Variants in PDE8A observed in about 807,000 individuals in gnomAD.
PDE8A encodes high affinity cAMP-specific and IBMX-insensitive 3',5'-cyclic phosphodiesterase 8A.
A neutral mutation model predicts 105.0 loss-of-function variants in PDE8A; 59 were observed. That is an observed-to-expected ratio of 0.56 (90% CI 0.46 to 0.70). PDE8A has a LOEUF of 0.70. PDE8A is among the 30% of genes least tolerant of loss of function. PDE8A has a pLI of 0.00. For missense variants in PDE8A, 1,014 were observed against 1,045.9 expected (o/e 0.97, Z 0.42); for synonymous variants, 355 against 371.9 (o/e 0.95, Z 0.52).
chr15:85,107,409 C>T (rs956833376), intron 11 of PDE8A, among the ~76,000 whole-genome samples: 11 of 152,256 alleles, frequency 7.2e-5, no homozygotes, highest in Admixed American at 2.6e-4. Context: ...TGTTTTACAA[C>T]GATCGCTTGG....
chr15:84,999,471 C>T (rs1382614657), intron 1 of PDE8A, among the ~76,000 whole-genome samples: 3 of 152,190 alleles, frequency 2.0e-5, no homozygotes, highest in African/African-American at 7.2e-5. Context: ...TTCAGCAAAC[C>T]TTTGGTGCTT....
intron 8 of PDE8A, among the ~76,000 whole-genome samples, chr15:85,096,640 T>C (rs1421909152): frequency 6.6e-6 from 1 of 152,118 alleles, no homozygotes; most frequent in Non-Finnish European, 1.5e-5. Context: ...AACCCACTTA[T>C]TTCTGCCTAG....
intron 1 of PDE8A, among the ~76,000 whole-genome samples, chr15:84,999,121 CTTTT>C (rs35710429): frequency 7.6e-6 from 1 of 131,498 alleles, no homozygotes; most frequent in Non-Finnish European, 1.6e-5. Context: ...AGGTCACATT[CTTTT>C]TTTTTTTTTT....
chr15:85,015,066 T>A (rs543890803), intron 1 of PDE8A, among the ~76,000 whole-genome samples: 1 of 152,210 alleles, frequency 6.6e-6, no homozygotes, highest in Non-Finnish European at 1.5e-5. Flanking sequence ...GTTAGCATAA[T>A]GTTTTCAAGG....
At chr15:85,128,341 G>GA (rs923777028) in intron 20 of PDE8A, among the ~76,000 whole-genome samples, 12 of 151,724 alleles carry the variant, frequency 7.9e-5, no homozygotes, top group African/African-American at 2.9e-4. Context: ...CGCATCACTA[G>GA]AAAAAAAAAT....
chr15:84,989,985 A>AT (rs2079861121), intron 1 of PDE8A, among the ~76,000 whole-genome samples: 1 of 152,148 alleles, frequency 6.6e-6, no homozygotes, highest in Non-Finnish European at 1.5e-5. Context: ...TTTTGGATTC[A>AT]TTTCAAAGTA....
chr15:85,033,158 G>A (rs2080643815), intron 1 of PDE8A, among the ~76,000 whole-genome samples: 1 of 152,170 alleles, frequency 6.6e-6, no homozygotes, highest in African/African-American at 2.4e-5. Context: ...GTAGACTGAA[G>A]GCACTTGGGA....
intron 5 of PDE8A, 119 bp downstream of exon 5, chr15:85,076,906 C>G: frequency 1.4e-6 from 1 of 696,440 alleles, no homozygotes; most frequent in African/African-American, 1.8e-5. Context: ...TCTGGCCAGG[C>G]GTGGTGGCTC....
chr15:85,063,447 C>G (rs1241004384), intron 1 of PDE8A: 1 of 152,224 alleles, frequency 6.6e-6, no homozygotes, highest in Non-Finnish European at 1.5e-5. Context: ...GGGTAGCAGC[C>G]CAGTGCCAGA....
At chr15:85,126,125 C>T (rs1382707638) in intron 19 of PDE8A, 82 bp from the exon 20 acceptor site, 4 of 938,768 alleles carry the variant, frequency 4.3e-6, no homozygotes, top group Admixed American at 4.8e-5. Context: ...TCTTTTTATG[C>T]TTACAGTGGG....
intron 8 of PDE8A, among the ~76,000 whole-genome samples, chr15:85,094,997 T>C (rs1256212364): frequency 6.6e-6 from 1 of 152,176 alleles, no homozygotes; most frequent in Non-Finnish European, 1.5e-5. Context: ...GCCCCAAGTG[T>C]TCTTTGACAG....
At chr15:85,025,780 A>G (rs1434875044) in intron 1 of PDE8A, among the ~76,000 whole-genome samples, 13 of 152,200 alleles carry the variant, frequency 8.5e-5, no homozygotes, top group Admixed American at 6.5e-4. Flanking sequence ...GCTTTGGCAC[A>G]AGGACATCAG....
intron 21 of PDE8A, 25 bp downstream of exon 21, chr15:85,136,688 A>G (rs764680873): frequency 3.7e-6 from 6 of 1,605,896 alleles, no homozygotes; most frequent in Non-Finnish European, 5.1e-6. Context: ...TTAAAATAGC[A>G]TATTTTCCTC....
intron 2 of PDE8A, among the ~76,000 whole-genome samples, chr15:85,066,138 T>C (rs2081221424): frequency 6.6e-6 from 1 of 152,246 alleles, no homozygotes; most frequent in Non-Finnish European, 1.5e-5. Flanking sequence ...GCATTCACCA[T>C]CTGAGAACTT....
chr15:84,995,560 GTCC>G (rs1389912217), intron 1 of PDE8A, among the ~76,000 whole-genome samples: 2 of 152,056 alleles, frequency 1.3e-5, no homozygotes, highest in African/African-American at 2.4e-5. Flanking sequence ...GGCTCAAGCA[GTCC>G]TCCTGCCTCA....
At chr15:85,021,331 C>T (rs1328491614) in intron 1 of PDE8A, among the ~76,000 whole-genome samples, 1 of 152,110 alleles carries the variant, frequency 6.6e-6, no homozygotes, top group Non-Finnish European at 1.5e-5. Context: ...TGCTTGAAGC[C>T]AGGAGTTCAA....
At chr15:84,993,167 G>T (rs1267162606) in intron 1 of PDE8A, among the ~76,000 whole-genome samples, 2 of 152,188 alleles carry the variant, frequency 1.3e-5, no homozygotes, top group African/African-American at 4.8e-5. Context: ...GGATCGGCTG[G>T]GCGTGGTGGC....
At chr15:85,090,585 C>T (rs528240479) in intron 7 of PDE8A, 7 of 222,426 alleles carry the variant, frequency 3.1e-5, no homozygotes, top group Admixed American at 3.0e-4. Flanking sequence ...ATTCCCATAT[C>T]CGGATAAGAG....
At position 85,098,007 on chromosome 15, in the gene PDE8A, G is replaced by A; in HGVS notation, c.912G>A (p.Val304=). The change falls in exon 9 of 22, where the codon GTG becomes GTA. Residue 304 remains valine, a synonymous_variant. Coordinates refer to ENST00000394553, the MANE Select transcript of PDE8A (RefSeq NM_002605.3). ...ACGGAGATAATATACAACAAAATGT[G>A]AAGATAATACCTGTCATTGGACAGG... ...KKNGDNIQQN[V]KIIPVIGQGG... is the part of the protein sequence containing the mutation. 6 of 1,601,600 alleles carry A rather than the reference G, an allele frequency of 3.7e-6. No individual in the cohort carries two copies. The highest frequency in any genetic ancestry group is 5.1e-6 in the Non-Finnish European group (6 of 1,168,730).
Sources: allele counts gnomAD v4.1 joint callset (sites outside exome capture counted in the v4.1 genomes callset), GRCh38; gene constraint gnomAD v4.1.1; transcripts MANE v1.5; gene names NCBI Gene and HGNC (gene_info 2026-07-23, HGNC 2026-07-21).